PAM: variants seen among roughly 807,000 people sequenced by gnomAD.
PAM encodes peptidylglycine alpha-amidating monooxygenase.
Under a neutral mutation model 122.1 loss-of-function variants are expected in PAM, and 72 were observed. The observed-to-expected ratio is 0.59, with a 90% CI of 0.49 to 0.72. PAM has a LOEUF of 0.72. Among genes scored for constraint, PAM ranks in the 30% least tolerant of loss-of-function variants. The pLI is 0.00. For missense variants in PAM, 1,106 were observed against 1,183.7 expected (o/e 0.93, Z 0.96); for synonymous variants, 389 against 404.4 (o/e 0.96, Z 0.46).
chr5:102,875,869 A>G lies in PAM; in HGVS notation c.210+8476A>G, dbSNP rs184118528. ...AGTTTCCCAGTCGCTGATAGAAACAATTGAATATGCCATTTAGGCTAATAA... is the reference window on the plus strand; with the variant it reads ...AGTTTCCCAGTCGCTGATAGAAACAGTTGAATATGCCATTTAGGCTAATAA... On this transcript the variant is annotated intron_variant, in intron 3 of 25. Transcript: ENST00000438793. Among the ~76,000 whole-genome samples, 162 of 152,368 alleles carry G rather than the reference A, an allele frequency of 1.1e-3. 2 individuals carry two copies. The highest frequency in any genetic ancestry group is 1.9e-3 in the Non-Finnish European group (129 of 68,040).
chr5:102,894,127 G>C (rs994496467), intron 3 of PAM, among the ~76,000 whole-genome samples: 1 of 151,238 alleles, frequency 6.6e-6, no homozygotes, highest in Non-Finnish European at 1.5e-5. Context: ...AGATCCTGGG[G>C]GTAAATACCA....
At position 102,926,673 on chromosome 5, in the gene PAM, G is replaced by C; in HGVS notation, c.526+5G>C. On this transcript the variant is annotated splice_donor_5th_base_variant and intron_variant, in intron 7 of 25. Coordinates refer to ENST00000438793, the MANE Select transcript of PAM (RefSeq NM_001177306.2). ...GGGATATTAGTGCTTTTAGAGGTAA[G>C]TTTTGAAGTGTTGGAACTAAGCAAA... 6.7e-7 allele frequency: 1 copy of C among 1,485,942 alleles called. No homozygotes were observed. Among genetic ancestry groups the C allele is most frequent in the Non-Finnish European group, 9.4e-7 (1 of 1,064,250 alleles). 92.0% of individuals were successfully genotyped at this position (1,485,942 alleles called of 1,614,324 possible).
At chr5:102,866,373 G>A (rs1785564828) in intron 2 of PAM, 89 bp downstream of exon 2, 3 of 825,204 alleles carry the variant, frequency 3.6e-6, no homozygotes, top group Admixed American at 1.9e-5. Context: ...AAATAGACGG[G>A]GTTGATGTTC....
At position 102,764,212 on chromosome 5, in the gene PAM, G is replaced by T. The variant is rs142387701; in HGVS notation, c.-374+8864G>T. Among the ~76,000 whole-genome samples, 1,296 of 151,884 alleles carry T rather than the reference G, an allele frequency of 8.5e-3. 14 individuals are homozygous for T. Among genetic ancestry groups the T allele is most frequent in the African/African-American group, 0.03 (1,236 of 41,430 alleles). On this transcript the variant is annotated intron_variant, in intron 1 of 25. Coordinates refer to ENST00000438793, the MANE Select transcript of PAM (RefSeq NM_001177306.2). ...CTGAACAGTACATAAAATGTCCTTG[G>T]ACTCATGGAGCTTACTTATTAATGG...
At chr5:102,992,412 T>G (rs1039359633) in intron 16 of PAM, among the ~76,000 whole-genome samples, 3 of 152,112 alleles carry the variant, frequency 2.0e-5, no homozygotes, top group African/African-American at 7.2e-5. Flanking sequence ...GACTTTGCAA[T>G]CCATGGTTGT....
intron 1 of PAM, among the ~76,000 whole-genome samples, chr5:102,833,274 C>T (rs564375406): frequency 6.6e-6 from 1 of 152,180 alleles, no homozygotes; most frequent in African/African-American, 2.4e-5. Context: ...AGTGCCTGAG[C>T]TCTGCTTTGT....
chr5:102,861,200 A>ATAAGAGAACCTCG (rs1435092582), intron 1 of PAM, among the ~76,000 whole-genome samples: 25 of 152,232 alleles, frequency 1.6e-4, no homozygotes, highest in Non-Finnish European at 3.5e-4. Context: ...GTTCTGGTTC[A>ATAAGAGAACCTCG]CATCTAAACT....
intron 3 of PAM, among the ~76,000 whole-genome samples, chr5:102,870,197 T>A (rs879492189): frequency 3.3e-5 from 5 of 152,022 alleles, no homozygotes; most frequent in African/African-American, 4.8e-5. Context: ...GACATCATGT[T>A]GATTAAAGAA....
chr5:102,939,480 C>T (rs1754370833), intron 7 of PAM, among the ~76,000 whole-genome samples: 1 of 152,146 alleles, frequency 6.6e-6, no homozygotes, highest in Non-Finnish European at 1.5e-5. Context: ...CCCTTCTACA[C>T]TGACGTTTTG....
At chr5:102,764,012 C>T (rs1431137272) in intron 1 of PAM, among the ~76,000 whole-genome samples, 1 of 151,922 alleles carries the variant, frequency 6.6e-6, no homozygotes, top group Non-Finnish European at 1.5e-5. Context: ...ACAGTGTGTA[C>T]CAGTCTGGTG....
At chr5:102,786,032 A>G (rs2149932070) in intron 1 of PAM, among the ~76,000 whole-genome samples, 2 of 152,342 alleles carry the variant, frequency 1.3e-5, no homozygotes, top group South Asian at 2.1e-4. Context: ...TTTATGGAAT[A>G]TGTTAGCAGA....
intron 14 of PAM, among the ~76,000 whole-genome samples, chr5:102,965,594 C>G (rs1012615500): frequency 6.6e-6 from 1 of 152,000 alleles, no homozygotes; most frequent in Non-Finnish European, 1.5e-5. Flanking sequence ...TATTTGGCTG[C>G]AGAAACAGCC....
rs1470904085 is a variant in PAM at position 103,029,280 on chromosome 5, A to C, written c.*215A>C. 5.1e-6 allele frequency: 2 copies of C among 392,580 alleles called. No individual in the cohort carries two copies. Among genetic ancestry groups the C allele is most frequent in the African/African-American group, 2.1e-5 (1 of 48,438 alleles). 24.3% of individuals were successfully genotyped at this position (392,580 alleles called of 1,614,324 possible). On this transcript the variant is annotated 3_prime_UTR_variant, in exon 26 of 26. Coordinates refer to ENST00000438793, the MANE Select transcript of PAM (RefSeq NM_001177306.2). ...TAACAGTGCCATTGTCTTTATATGA[A>C]CATAGACTAGAGAAACCGTCCTCTT...
intron 16 of PAM, among the ~76,000 whole-genome samples, chr5:103,002,473 C>T (rs1007672101): frequency 6.6e-6 from 1 of 151,880 alleles, no homozygotes; most frequent in African/African-American, 2.4e-5. Context: ...AGGATAGATT[C>T]GGTTTTGTAA....
intron 3 of PAM, among the ~76,000 whole-genome samples, chr5:102,895,311 T>G (rs765036819): frequency 6.6e-6 from 1 of 151,836 alleles, no homozygotes; most frequent in South Asian, 2.1e-4. Context: ...CAGTAAAAAT[T>G]TAACATTTAT....
intron 1 of PAM, among the ~76,000 whole-genome samples, chr5:102,842,205 A>AATATATAT (rs71226933): frequency 9.9e-4 from 142 of 143,062 alleles, no homozygotes; most frequent in African/African-American, 2.9e-3. Flanking sequence ...ATACAACCTA[A>AATATATAT]ATATATATAT....
At chr5:102,764,363 A>G (rs1753263183) in intron 1 of PAM, among the ~76,000 whole-genome samples, 1 of 152,044 alleles carries the variant, frequency 6.6e-6, no homozygotes, top group Admixed American at 6.5e-5. Context: ...ATGGAGAATG[A>G]TAGCAGAGGG....
intron 7 of PAM, among the ~76,000 whole-genome samples, chr5:102,944,792 C>T (rs926256334): frequency 6.6e-6 from 1 of 152,138 alleles, no homozygotes; most frequent in African/African-American, 2.4e-5. Flanking sequence ...CTTTGCTTCA[C>T]TTATGATTTT....
intron 22 of PAM, among the ~76,000 whole-genome samples, chr5:103,018,368 G>A (rs547424865): frequency 1.1e-4 from 17 of 152,292 alleles, no homozygotes; most frequent in African/African-American, 3.8e-4. Context: ...AAAATCAGGA[G>A]TCCAAACACA....
Sources: allele counts gnomAD v4.1 joint callset (sites outside exome capture counted in the v4.1 genomes callset), GRCh38; gene constraint gnomAD v4.1.1; transcripts MANE v1.5; gene names NCBI Gene and HGNC (gene_info 2026-07-23, HGNC 2026-07-21).